RAPGEF3: variants seen among roughly 807,000 people sequenced by gnomAD.
The protein encoded by RAPGEF3 is Rap guanine nucleotide exchange factor 3.
In RAPGEF3, 103 loss-of-function variants were observed where a neutral mutation model predicts 129.8. The ratio of observed to expected loss-of-function variants is 0.79; its 90% CI spans 0.68 to 0.93. The LOEUF (loss-of-function observed/expected upper bound fraction) is 0.93, where lower values mean the gene tolerates loss of function less well. Among genes scored for constraint, RAPGEF3 ranks in the 40% least tolerant of loss-of-function variants. The pLI, the probability that RAPGEF3 is intolerant of heterozygous loss-of-function variation, is 0.00. For missense variants in RAPGEF3, 1,117 were observed against 1,207.4 expected (o/e 0.93, Z 1.11); for synonymous variants, 436 against 482.6 (o/e 0.90, Z 1.26).
At chr12:47,758,208 T>C in intron 1 of RAPGEF3, 130 bp from the exon 2 acceptor site, 1 of 1,439,074 alleles carries the variant, frequency 6.9e-7, no homozygotes, top group Non-Finnish European at 9.1e-7. Context: ...GCTGCAACCC[T>C]GCCAGGAGCT....
rs539495771 is a variant in RAPGEF3, at chr12:47,735,612, G to A, written c.*1955C>T. Reference sequence around the variant, plus strand: ...GAGACCACCGGGTGGCTGCAGGGTGGTCTGGACTGTAAAGCTGATGGTCCA... The same window carrying A: ...GAGACCACCGGGTGGCTGCAGGGTGATCTGGACTGTAAAGCTGATGGTCCA... On this transcript the variant is annotated 3_prime_UTR_variant, in exon 28 of 28. Transcript: ENST00000449771. 1 of 152,518 alleles carries A rather than the reference G, an allele frequency of 6.6e-6. No homozygotes were observed. The highest frequency in any genetic ancestry group is 1.9e-4 in the East Asian group (1 of 5,176). 9.4% of individuals were successfully genotyped at this position (152,518 alleles called of 1,614,324 possible). A position where few individuals can be genotyped will look rare whatever the true frequency, so the allele number is the denominator to read the frequency against.
chr12:47,758,190 G>A, intron 1 of RAPGEF3, 112 bp from the exon 2 acceptor site: 2 of 1,447,566 alleles, frequency 1.4e-6, no homozygotes, highest in Non-Finnish European at 1.8e-6. Flanking sequence ...GACTGGTCAG[G>A]CGGAGGTGCT....
chr12:47,744,446 A>G, intron 16 of RAPGEF3: 1 of 233,450 alleles, frequency 4.3e-6, no homozygotes, highest in South Asian at 7.1e-5. Flanking sequence ...AATATTCACA[A>G]TGCGCCTTTG....
At chr12:47,750,627 T>A (rs1941688829) in intron 6 of RAPGEF3, among the ~76,000 whole-genome samples, 1 of 152,162 alleles carries the variant, frequency 6.6e-6, no homozygotes, top group Non-Finnish European at 1.5e-5. Context: ...ACAACAACCC[T>A]AAGGAGTGGT....
chr12:47,752,761 G>C (rs1941827301), intron 2 of RAPGEF3: 1 of 152,266 alleles, frequency 6.6e-6, no homozygotes, highest in Non-Finnish European at 1.5e-5. Flanking sequence ...ATTAGGGTGG[G>C]GCTGCTTGCT....
Position 47,738,033 on chromosome 12 carries a change from C to T in RAPGEF3, c.2642G>A (p.Arg881Lys). The T allele has an allele frequency of 6.2e-7, 1 of 1,613,764 alleles. No individual in the cohort carries two copies. Among genetic ancestry groups the T allele is most frequent in the Non-Finnish European group, 8.5e-7 (1 of 1,179,772 alleles). Residue 881 changes from arginine (R) to lysine (K), a missense_variant, in exon 27 of 28, where the codon AGG (arginine) becomes AAG (lysine). By Grantham distance (26) the Arg-to-Lys change is conservative. Around this residue, in one of 3 missense-constraint regions of RAPGEF3, gnomAD observed 643 missense variants for 673.4 expected, o/e 0.95. Transcript: ENST00000449771. ...SHLHEDSQVA[R>K]ISTCSEQSLS... ...CGCCCACCACTTACATGTGGAAATC[C>T]TCGCCACCTGGCTGTCCTCGTGGAG... is the stretch of plus-strand genomic sequence containing the variant.
rs775873450 is a variant in RAPGEF3 at position 47,748,870 on chromosome 12, C to T, written c.1103G>A (p.Arg368Lys). Residue 368 changes from arginine (R) to lysine (K), a missense_variant, in exon 11 of 28, where the codon AGA (arginine) becomes AAA (lysine). Physicochemically the swap from Arg to Lys is conservative, Grantham distance 26. This residue lies in a region of RAPGEF3 where 107 missense variants were observed against 160.7 expected (regional missense o/e 0.67). Coordinates refer to ENST00000449771, the MANE Select transcript of RAPGEF3 (RefSeq NM_001098531.4). ...GGAAGGGCCGGCGCCCTGAGAGGCT[C>T]TCTCCAGCACCAGCACCACTTTGCC... ...EHGKVVLVLERASQGAGPSRP... is the reference protein window; with the variant it reads ...EHGKVVLVLEKASQGAGPSRP... 6.2e-7 allele frequency: 1 copy of T among 1,613,950 alleles called. No homozygotes were observed. The highest frequency in any genetic ancestry group is 8.5e-7 in the Non-Finnish European group (1 of 1,179,972).
intron 7 of RAPGEF3, 38 bp downstream of exon 7, chr12:47,750,303 G>A (rs1300863435): frequency 6.4e-7 from 1 of 1,573,838 alleles, no homozygotes; most frequent in South Asian, 1.1e-5. Context: ...AAGAGAAGAT[G>A]CCTGGTACGG....
chr12:47,751,787 G>C lies in RAPGEF3; in HGVS notation c.316C>G (p.Arg106Gly). The C allele has an allele frequency of 6.2e-7, 1 of 1,614,078 alleles. No homozygotes were observed. Among genetic ancestry groups the C allele is most frequent in the Non-Finnish European group, 8.5e-7 (1 of 1,180,032 alleles). Residue 106 changes from arginine (R) to glycine (G), a missense_variant, in exon 4 of 28, where the codon CGG (arginine) becomes GGG (glycine). Around this residue, in one of 3 missense-constraint regions of RAPGEF3, gnomAD observed 367 missense variants for 373.4 expected, o/e 0.98. Transcript: ENST00000449771. The stretch of plus-strand genomic sequence containing the variant: ...TTTGGGCAGGTGGCCAGCAGATGCC[G>C]ATGCAGCTGCCTCCCAGCCCTGAGC... ...RVLRAGRQLH[R>G]HLLATCPNLI... is the part of the protein sequence containing the mutation.
chr12:47,743,764 A>T, intron 17 of RAPGEF3, 88 bp from the exon 18 acceptor site: 1 of 1,526,198 alleles, frequency 6.6e-7, no homozygotes, highest in African/African-American at 1.4e-5. Context: ...TAATGGTGGG[A>T]GGGATCCCCA....
chr12:47,748,290 TGCTCCCCACTAAGC>T, intron 12 of RAPGEF3, 138 bp from the exon 13 acceptor site: 1 of 952,750 alleles, frequency 1.0e-6, no homozygotes, highest in Admixed American at 2.2e-5. Flanking sequence ...CCTGTGATAG[TGCTCCCCACTAAGC>T]CAAGAGCACA....
chr12:47,744,856 CTG>C (rs1941342036), intron 16 of RAPGEF3: 1 of 152,398 alleles, frequency 6.6e-6, no homozygotes, highest in African/African-American at 2.4e-5. Context: ...GAGTTCCTTA[CTG>C]CCTCATGTGT....
rs745472848 is a variant in RAPGEF3, at chr12:47,737,585, G to A, written c.2754C>T (p.Ser918=). ...CCCCTCCTCATGGCTCCAGCTCTCG[G>A]GAGAGGCGGGAGAGTTCCCGCTGGT... ...IDNQRELSRL[S]RELEP The change falls in exon 28 of 28, where the codon TCC becomes TCT. Residue 918 remains serine (S), a synonymous_variant. Transcript: ENST00000449771. The A allele has an allele frequency of 2.5e-6, 4 of 1,593,208 alleles. No homozygotes were observed. Among genetic ancestry groups the A allele is most frequent in the Admixed American group, 3.5e-5 (2 of 57,866 alleles).
chr12:47,744,296 C>CGT (rs892839363), intron 16 of RAPGEF3: 7 of 566,794 alleles, frequency 1.2e-5, no homozygotes, highest in South Asian at 4.1e-5. Flanking sequence ...CATGCCCCTC[C>CGT]GTGTGTGTGT....
chr12:47,749,635 A>T lies in RAPGEF3; in HGVS notation c.895-99T>A. The T allele has an allele frequency of 6.4e-7, 1 of 1,572,958 alleles. No homozygotes were observed. The highest frequency in any genetic ancestry group is 8.6e-7 in the Non-Finnish European group (1 of 1,158,652). On this transcript the variant is annotated intron_variant, in intron 9 of 27. Coordinates refer to ENST00000449771, the MANE Select transcript of RAPGEF3 (RefSeq NM_001098531.4). The surrounding 1 kb of genome is among the most constrained non-coding windows in gnomAD (Gnocchi z 4.5). ...GGCAGGAGAACAACCCACACAGGAG[A>T]CACGGGGTCAGCAGCAGTAGATCAA...
chr12:47,755,160 C>G (rs1941980461), intron 2 of RAPGEF3, among the ~76,000 whole-genome samples: 1 of 152,188 alleles, frequency 6.6e-6, no homozygotes, highest in African/African-American at 2.4e-5. Context: ...AGCTTGGACT[C>G]TGCAGCCAGA....
chr12:47,748,560 T>A lies in RAPGEF3; in HGVS notation c.1155-18A>T. The stretch of plus-strand genomic sequence containing the variant: ...CTGTATACCTAGCAGAAATGGCCAA[T>A]CTTTGGCACTGGTGCCACTACTCCC... On this transcript the variant is annotated intron_variant, in intron 11 of 27. Coordinates refer to ENST00000449771, the MANE Select transcript of RAPGEF3 (RefSeq NM_001098531.4). The A allele has an allele frequency of 6.3e-7, 1 of 1,599,134 alleles. No homozygotes were observed. The highest frequency in any genetic ancestry group is 8.6e-7 in the Non-Finnish European group (1 of 1,167,490).
In RAPGEF3 at chr12:47,751,873, C is replaced by T. The variant is rs367836817; in HGVS notation, c.273+43G>A. 1.9e-6 allele frequency: 3 copies of T among 1,613,996 alleles called. No homozygotes were observed. The African/African-American group carries it at 4.0e-5, about 22-fold the overall frequency. On this transcript the variant is annotated intron_variant, in intron 3 of 27. Transcript: ENST00000449771. ...ACAGCAGTTCAGGCTCTGAACCCCT[C>T]ATGGTGCTGCCTGTCCCAGCTCCAC... is the stretch of plus-strand genomic sequence containing the variant.
chr12:47,758,557 GT>G lies in RAPGEF3; in HGVS notation c.-2del. On this transcript the variant is annotated 5_prime_UTR_variant, in exon 1 of 28. Transcript: ENST00000449771. ...CTGACCCCACCTTACCCACCTTCATGTTTCTTTTCAAGCTCGCACAGCCGTG... is the reference window on the plus strand; with the variant it reads ...CTGACCCCACCTTACCCACCTTCATGTTCTTTTCAAGCTCGCACAGCCGTG... 1.9e-6 allele frequency: 3 copies of G among 1,613,844 alleles called. No individual in the cohort carries two copies. Among genetic ancestry groups the G allele is most frequent in the Non-Finnish European group, 2.5e-6 (3 of 1,179,904 alleles).
Sources: gnomAD v4.1 joint callset for allele counts (sites outside exome capture counted in the v4.1 genomes callset) on GRCh38, gnomAD v4.1.1 for gene constraint, gnomAD v4.1.1 regional missense constraint, Gnocchi (gnomAD v3.1) non-coding constraint, MANE v1.5 for transcripts, NCBI Gene and HGNC (gene_info 2026-07-23, HGNC 2026-07-21) for gene names.